The following ST8SIA6 variants were observed in gnomAD, a reference collection of about 807,000 sequenced individuals.
The protein encoded by ST8SIA6 is ST8 alpha-N-acetyl-neuraminide alpha-2,8-sialyltransferase 6, also known as alpha-2,8-sialyltransferase 8F.
ST8SIA6 carries 39 observed loss-of-function variants against 33.6 expected under a neutral mutation model. That is an observed-to-expected ratio of 1.16 (90% CI 0.90 to 1.52). The LOEUF (loss-of-function observed/expected upper bound fraction) is 1.52. Among genes scored for constraint, ST8SIA6 ranks in the 40% most tolerant of loss-of-function variants. The probability of loss-of-function intolerance (pLI) is 0.00; values close to 1 mark genes in which losing one functional copy is unlikely to be tolerated. For synonymous variants in ST8SIA6, 172 were observed against 167.2 expected, an observed-to-expected ratio of 1.03 and a Z score of -0.22; for missense variants, 441 against 443.8, an observed-to-expected ratio of 0.99 and a Z score of 0.06.
chr10:17,426,827 C>T (rs191271964), intron 2 of ST8SIA6, among the ~76,000 whole-genome samples: 6 of 152,260 alleles, frequency 3.9e-5, no homozygotes, highest in South Asian at 4.2e-4. Context: ...CGGGGCCAGG[C>T]GCAGTGGCTC....
At chr10:17,428,194 T>A (rs1053295691) in intron 2 of ST8SIA6, among the ~76,000 whole-genome samples, 4 of 152,198 alleles carry the variant, frequency 2.6e-5, no homozygotes, top group African/African-American at 9.7e-5. Flanking sequence ...TTCCATAGGT[T>A]GCTTTGATGA....
intron 2 of ST8SIA6, among the ~76,000 whole-genome samples, chr10:17,441,768 T>C (rs1362310405): frequency 6.6e-6 from 1 of 152,192 alleles, no homozygotes; most frequent in African/African-American, 2.4e-5. Flanking sequence ...CTCAATAAAA[T>C]TACATTTATT....
At chr10:17,357,098 C>G (rs555433834) in intron 4 of ST8SIA6, among the ~76,000 whole-genome samples, 36 of 151,766 alleles carry the variant, frequency 2.4e-4, no homozygotes, top group South Asian at 1.0e-3. Context: ...AAATCCAGCT[C>G]AGGATGGAAA....
At chr10:17,373,057 C>T (rs4526678) in intron 3 of ST8SIA6, among the ~76,000 whole-genome samples, 56,057 of 151,842 alleles carry the variant, frequency 0.37, 10,574 homozygotes, top group East Asian at 0.59. Context: ...TAAATTCCCA[C>T]GGCTGCAAGA....
chr10:17,333,671 GGA>G (rs1848371254), intron 4 of ST8SIA6, among the ~76,000 whole-genome samples: 2 of 44,586 alleles, frequency 4.5e-5, no homozygotes, highest in Non-Finnish European at 7.3e-5. Flanking sequence ...AATGGTGCTG[GGA>G]TATATATATA....
intron 4 of ST8SIA6, among the ~76,000 whole-genome samples, chr10:17,341,696 C>T (rs1389651448): frequency 3.3e-5 from 5 of 151,504 alleles, no homozygotes; most frequent in Admixed American, 6.6e-5. Flanking sequence ...GTCAGGAGTT[C>T]GAGACCAGCC....
At chr10:17,368,588 CGAGG>C (rs1849637171) in intron 3 of ST8SIA6, among the ~76,000 whole-genome samples, 1 of 151,474 alleles carries the variant, frequency 6.6e-6, no homozygotes, top group African/African-American at 2.4e-5. Flanking sequence ...AAAGAAAGTA[CGAGG>C]AATAGTGTTG....
chr10:17,343,456 C>G (rs934997079), intron 4 of ST8SIA6, among the ~76,000 whole-genome samples: 13 of 152,110 alleles, frequency 8.5e-5, no homozygotes, highest in Admixed American at 7.9e-4. Context: ...AAAATAGTTT[C>G]TAAATTTCAG....
At chr10:17,362,652 T>G (rs1370003962) in intron 3 of ST8SIA6, among the ~76,000 whole-genome samples, 1 of 152,164 alleles carries the variant, frequency 6.6e-6, no homozygotes, top group East Asian at 1.9e-4. Flanking sequence ...GGACTGACCT[T>G]TTCTAGCCCA....
chr10:17,338,472 T>C (rs183983505), intron 4 of ST8SIA6, among the ~76,000 whole-genome samples: 3 of 152,354 alleles, frequency 2.0e-5, no homozygotes, highest in Admixed American at 2.0e-4. Flanking sequence ...TATGTTGTAA[T>C]TGGGGAAATG....
chr10:17,374,106 C>CACAT (rs1849818087), intron 3 of ST8SIA6, among the ~76,000 whole-genome samples: 2 of 135,324 alleles, frequency 1.5e-5, no homozygotes, highest in Non-Finnish European at 3.2e-5. Context: ...CACACACACA[C>CACAT]ACACACACGG....
intron 3 of ST8SIA6, among the ~76,000 whole-genome samples, chr10:17,373,190 A>T (rs1849789753): frequency 6.6e-6 from 1 of 152,138 alleles, no homozygotes; most frequent in African/African-American, 2.4e-5. Context: ...TTGTTTTCTG[A>T]CAAGCAACTC....
chr10:17,401,956 T>C lies in ST8SIA6; in HGVS notation c.201-11336A>G, dbSNP rs577237480. Among the ~76,000 whole-genome samples, 10 of 152,210 alleles carry C rather than the reference T, an allele frequency of 6.6e-5. No individual in the cohort carries two copies. In the South Asian group the frequency reaches 2.1e-3, roughly 32 times the overall value. On this transcript the variant is annotated intron_variant, in intron 2 of 7. Transcript: ENST00000377602. ...TAGGATCTAATTAAACTAAAGAGCT[T>C]CTGCACAGCAAAAGAAACTACCATC...
intron 2 of ST8SIA6, among the ~76,000 whole-genome samples, chr10:17,415,111 CT>C (rs1851562488): frequency 6.6e-6 from 1 of 152,178 alleles, no homozygotes; most frequent in African/African-American, 2.4e-5. Context: ...TTTCTACCCC[CT>C]GTAAGCACCA....
intron 2 of ST8SIA6, among the ~76,000 whole-genome samples, chr10:17,425,174 A>G (rs1430704782): frequency 6.6e-6 from 1 of 152,188 alleles, no homozygotes. Flanking sequence ...TATTTTATAT[A>G]TATATTTATT....
intron 2 of ST8SIA6, among the ~76,000 whole-genome samples, chr10:17,445,339 G>T (rs1406397733): frequency 1.3e-5 from 2 of 152,122 alleles, no homozygotes; most frequent in Admixed American, 1.3e-4. Flanking sequence ...AATGACAAGC[G>T]CACATTTCGG....
intron 3 of ST8SIA6, among the ~76,000 whole-genome samples, chr10:17,378,568 G>C (rs545328172): frequency 6.6e-6 from 1 of 152,116 alleles, no homozygotes; most frequent in Non-Finnish European, 1.5e-5. Context: ...TGGAACTCAA[G>C]TCCCTCAGGA....
intron 5 of ST8SIA6, among the ~76,000 whole-genome samples, chr10:17,328,884 TA>T (rs776182243): frequency 6.6e-6 from 1 of 152,186 alleles, no homozygotes; most frequent in Non-Finnish European, 1.5e-5. Flanking sequence ...GCTGGTTTTT[TA>T]AAGCATTGGT....
chr10:17,392,582 A>G (rs150302381), intron 2 of ST8SIA6, among the ~76,000 whole-genome samples: 1 of 152,260 alleles, frequency 6.6e-6, no homozygotes, highest in East Asian at 1.9e-4. Flanking sequence ...TATCTGAGGA[A>G]ATAAAAAGAT....
Sources: gnomAD v4.1 joint callset for allele counts (sites outside exome capture counted in the v4.1 genomes callset) on GRCh38, gnomAD v4.1.1 for gene constraint, MANE v1.5 for transcripts, NCBI Gene and HGNC (gene_info 2026-07-23, HGNC 2026-07-21) for gene names.